The following POLDIP3 variants were observed in gnomAD, a reference collection of about 807,000 sequenced individuals.
POLDIP3 encodes the protein polymerase delta-interacting protein 3.
Under a neutral mutation model 45.1 loss-of-function variants are expected in POLDIP3, and 14 were observed. The observed-to-expected ratio is 0.31, with a 90% CI of 0.20 to 0.49. The LOEUF is 0.49. Ranked by LOEUF, POLDIP3 falls within the 20% of genes least tolerant of loss-of-function variation. The pLI is 0.99. For missense variants in POLDIP3, 511 were observed against 538.8 expected, an observed-to-expected ratio of 0.95 and a Z score of 0.51; for synonymous variants, 223 against 205.2, an observed-to-expected ratio of 1.09 and a Z score of -0.74.
intron 1 of POLDIP3, among the ~76,000 whole-genome samples, chr22:42,604,167 G>T (rs1057472506): frequency 7.9e-5 from 12 of 152,094 alleles, no homozygotes; most frequent in African/African-American, 2.2e-4. Context: ...CTCTGCCTGC[G>T]GACTCCTATG....
At chr22:42,590,777 T>G (rs1429367836) in intron 7 of POLDIP3, among the ~76,000 whole-genome samples, 1 of 152,206 alleles carries the variant, frequency 6.6e-6, no homozygotes, top group Non-Finnish European at 1.5e-5. Context: ...GTACAGGCAT[T>G]TCTCCAAAGA....
chr22:42,599,370 G>A lies in POLDIP3; in HGVS notation c.633+328C>T, dbSNP rs529094345. Among the ~76,000 whole-genome samples, 14 of 152,374 alleles carry A rather than the reference G, an allele frequency of 9.2e-5. No homozygotes were observed. The East Asian group carries it at 2.5e-3, about 27-fold the overall frequency. On this transcript the variant is annotated intron_variant, in intron 4 of 8. Transcript: ENST00000252115. ...TGTAATCCCAGCACCTTGGGAGGCC[G>A]AGGCGTGCGGATCACCTGAGGTCAG...
intron 4 of POLDIP3, chr22:42,597,563 TCATC>T (rs1569299377): frequency 2.7e-6 from 1 of 372,028 alleles, no homozygotes; most frequent in African/African-American, 2.1e-5. Context: ...TGCCTGTCCC[TCATC>T]CATCAACGAG....
intron 3 of POLDIP3, among the ~76,000 whole-genome samples, chr22:42,600,462 GA>G (rs1395756465): frequency 6.7e-6 from 1 of 148,950 alleles, no homozygotes. Flanking sequence ...CCGTCTCTAC[GA>G]AAAATACAAA....
intron 7 of POLDIP3, 139 bp from the exon 8 acceptor site, chr22:42,587,711 G>C (rs902127665): frequency 6.3e-6 from 5 of 792,006 alleles, no homozygotes; most frequent in Non-Finnish European, 4.2e-6. Context: ...AGATGGGGCT[G>C]CTAGGTTCCA....
intron 1 of POLDIP3, among the ~76,000 whole-genome samples, chr22:42,609,981 T>C (rs1172362979): frequency 6.6e-6 from 1 of 152,156 alleles, no homozygotes; most frequent in African/African-American, 2.4e-5. Context: ...GAGACCAGCC[T>C]GGCCAACATG....
intron 8 of POLDIP3, among the ~76,000 whole-genome samples, chr22:42,587,258 C>T (rs954024793): frequency 6.6e-6 from 1 of 152,158 alleles, no homozygotes; most frequent in Non-Finnish European, 1.5e-5. Flanking sequence ...AACTTCCACT[C>T]AGATATTTCT....
intron 6 of POLDIP3, among the ~76,000 whole-genome samples, chr22:42,593,901 C>G (rs1925822132): frequency 6.6e-6 from 1 of 152,208 alleles, no homozygotes; most frequent in South Asian, 2.1e-4. Context: ...ATTCACAGTA[C>G]TGTCCCTGCT....
chr22:42,599,316 T>G (rs1926197461), intron 4 of POLDIP3, among the ~76,000 whole-genome samples: 1 of 152,184 alleles, frequency 6.6e-6, no homozygotes, highest in Non-Finnish European at 1.5e-5. Context: ...TGAAAGGCTC[T>G]ATTCACGCCG....
At chr22:42,607,922 G>A (rs1248325726) in intron 1 of POLDIP3, among the ~76,000 whole-genome samples, 9 of 151,166 alleles carry the variant, frequency 6.0e-5, no homozygotes, top group Non-Finnish European at 8.8e-5. Flanking sequence ...CAGCCGCCCC[G>A]TCTGGGAGGG....
At chr22:42,610,595 A>G (rs1927060280) in intron 1 of POLDIP3, among the ~76,000 whole-genome samples, 2 of 152,216 alleles carry the variant, frequency 1.3e-5, no homozygotes, top group African/African-American at 4.8e-5. Flanking sequence ...TTAACTGGGG[A>G]TGCCCTCATA....
intron 7 of POLDIP3, among the ~76,000 whole-genome samples, chr22:42,588,629 T>C (rs1179975099): frequency 6.8e-6 from 1 of 146,374 alleles, no homozygotes; most frequent in African/African-American, 2.6e-5. Context: ...TTTCTTTCTT[T>C]CTTTTTTTTT....
intron 1 of POLDIP3, among the ~76,000 whole-genome samples, chr22:42,609,295 G>A (rs1926971728): frequency 6.6e-6 from 1 of 152,190 alleles, no homozygotes; most frequent in Non-Finnish European, 1.5e-5. Flanking sequence ...GTCTCGTAAT[G>A]CCCCACCTCC....
chr22:42,601,891 C>G, intron 3 of POLDIP3, 79 bp downstream of exon 3: 1 of 1,500,340 alleles, frequency 6.7e-7, no homozygotes, highest in Non-Finnish European at 9.1e-7. Flanking sequence ...CCAAGTAGGC[C>G]TCATCAAAAC....
At chr22:42,592,453 C>A (rs1221930708) in intron 6 of POLDIP3, among the ~76,000 whole-genome samples, 1 of 152,224 alleles carries the variant, frequency 6.6e-6, no homozygotes. Context: ...TAATATGTCA[C>A]CTGAGAATCT....
chr22:42,606,815 T>G (rs562379730), intron 1 of POLDIP3, among the ~76,000 whole-genome samples: 13 of 152,254 alleles, frequency 8.5e-5, no homozygotes, highest in African/African-American at 2.9e-4. Context: ...ATCTTATAAA[T>G]GAGGAAACTC....
Position 42,585,695 on chromosome 22 carries a change from G to C in POLDIP3, c.*96C>G. 1.4e-6 allele frequency: 2 copies of C among 1,397,958 alleles called. No individual in the cohort carries two copies. The highest frequency in any genetic ancestry group is 2.0e-6 in the Non-Finnish European group (2 of 1,025,268). 86.6% of individuals were successfully genotyped at this position (1,397,958 alleles called of 1,614,324 possible). ...CCTGGCAACCCTTCCCACAATCAGG[G>C]GTCTCCAGTCCGATGGCCCATTGGT... is the stretch of plus-strand genomic sequence containing the variant. On this transcript the variant is annotated 3_prime_UTR_variant, in exon 9 of 9. Transcript: ENST00000252115.
intron 4 of POLDIP3, among the ~76,000 whole-genome samples, chr22:42,598,541 A>G (rs1452967479): frequency 1.3e-5 from 2 of 151,642 alleles, no homozygotes; most frequent in Admixed American, 1.3e-4. Flanking sequence ...GTGAGCCACC[A>G]CGCCCGAACT....
Position 42,584,863 on chromosome 22 carries a change from G to C in POLDIP3, c.*928C>G. ...AACTGAGGCCAGAAATGGAGAGCCA[G>C]GAACAAACTGACCTCTTCCATTCAA... is the stretch of plus-strand genomic sequence containing the variant. On this transcript the variant is annotated 3_prime_UTR_variant, in exon 9 of 9. Coordinates refer to ENST00000252115, the MANE Select transcript of POLDIP3 (RefSeq NM_032311.5). 2.2e-6 allele frequency: 1 copy of C among 456,096 alleles called. No individual in the cohort carries two copies. Among genetic ancestry groups the C allele is most frequent in the Non-Finnish European group, 4.4e-6 (1 of 226,904 alleles). 28.3% of individuals were successfully genotyped at this position (456,096 alleles called of 1,614,324 possible).
Sources: gnomAD v4.1 joint callset for allele counts (sites outside exome capture counted in the v4.1 genomes callset) on GRCh38, gnomAD v4.1.1 for gene constraint, MANE v1.5 for transcripts, NCBI Gene and HGNC (gene_info 2026-07-23, HGNC 2026-07-21) for gene names.